The following CRPPA variants were observed in gnomAD, a reference collection of about 807,000 sequenced individuals.
The protein encoded by CRPPA is CDP-L-ribitol pyrophosphorylase A, also known as D-ribitol-5-phosphate cytidylyltransferase.
Under a neutral mutation model 52.0 loss-of-function variants are expected in CRPPA, and 43 were observed. The observed-to-expected ratio is 0.83, with a 90% CI of 0.65 to 1.07. The LOEUF is 1.07. Ranked by LOEUF, CRPPA falls within the 50% of genes least tolerant of loss-of-function variation. The pLI, the probability that CRPPA is intolerant of heterozygous loss-of-function variation, is 0.00. For missense variants in CRPPA, 629 were observed against 551.7 expected (o/e 1.14, Z -1.40); for synonymous variants, 250 against 203.5 (o/e 1.23, Z -1.94).
intron 5 of CRPPA, among the ~76,000 whole-genome samples, chr7:16,293,178 G>A (rs756369661): frequency 2.6e-5 from 4 of 151,772 alleles, no homozygotes; most frequent in Non-Finnish European, 5.9e-5. Flanking sequence ...GCAAAATATC[G>A]AGAAATCTGT....
intron 3 of CRPPA, among the ~76,000 whole-genome samples, chr7:16,352,752 C>T (rs1583541652): frequency 1.3e-5 from 2 of 151,896 alleles, no homozygotes; most frequent in Non-Finnish European, 2.9e-5. Context: ...GGTATATATC[C>T]AAAGAAATTG....
At position 16,088,451 on chromosome 7, in the gene CRPPA, T is replaced by G. The variant is rs1196929913; in HGVS notation, c.*3244A>C. 7.2e-6 allele frequency: 1 copy of G among 139,510 alleles called. No individual in the cohort carries two copies. Among genetic ancestry groups the G allele is most frequent in the Non-Finnish European group, 1.5e-5 (1 of 65,978 alleles). 8.6% of individuals were successfully genotyped at this position (139,510 alleles called of 1,614,324 possible). ...TTTTTTTTTTGAGACGGAGTCTTGC[T>G]CTGTTGCCCAGGCTGGAGTGCAGTG... On this transcript the variant is annotated 3_prime_UTR_variant, in exon 10 of 10. Coordinates refer to ENST00000407010, the MANE Select transcript of CRPPA (RefSeq NM_001101426.4).
Position 16,323,835 on chromosome 7 carries a change from G to T in CRPPA, c.685-15208C>A, listed in dbSNP as rs555714381. ...AATCTCAAACATTGTGCAAAAAAAA[G>T]CACATCACACAAATATATTACCAGT... On this transcript the variant is annotated intron_variant, in intron 3 of 9. Coordinates refer to ENST00000407010, the MANE Select transcript of CRPPA (RefSeq NM_001101426.4). Among the ~76,000 whole-genome samples the T allele has an allele frequency of 2.6e-5, 4 of 152,156 alleles. No individual in the cohort carries two copies. The East Asian group carries it at 7.7e-4, about 29-fold the overall frequency.
At chr7:16,340,696 G>A (rs1335530198) in intron 3 of CRPPA, among the ~76,000 whole-genome samples, 1 of 151,272 alleles carries the variant, frequency 6.6e-6, no homozygotes, top group Admixed American at 6.6e-5. Context: ...AGACAGTTTT[G>A]CAGTTCCTCA....
intron 2 of CRPPA, among the ~76,000 whole-genome samples, chr7:16,376,898 T>A (rs10263566): frequency 0.14 from 22,050 of 152,192 alleles, 2,305 homozygotes; most frequent in African/African-American, 0.29. Context: ...TTTATCTTTT[T>A]TGGAGTCCCA....
At chr7:16,388,238 A>C (rs1037780514) in intron 2 of CRPPA, among the ~76,000 whole-genome samples, 1 of 152,148 alleles carries the variant, frequency 6.6e-6, no homozygotes, top group Non-Finnish European at 1.5e-5. Flanking sequence ...GGAGTCCCCA[A>C]GTGGGCATGG....
At chr7:16,151,829 C>G (rs912222006) in intron 9 of CRPPA, among the ~76,000 whole-genome samples, 2 of 151,736 alleles carry the variant, frequency 1.3e-5, no homozygotes, top group Non-Finnish European at 1.5e-5. Flanking sequence ...TAGAAAAATA[C>G]TAGTAAATAT....
intron 2 of CRPPA, among the ~76,000 whole-genome samples, chr7:16,396,329 C>T (rs1787567342): frequency 6.6e-6 from 1 of 152,050 alleles, no homozygotes; most frequent in Admixed American, 6.5e-5. Context: ...AAAAATCTGC[C>T]AACTGATCAG....
intron 9 of CRPPA, among the ~76,000 whole-genome samples, chr7:16,137,397 G>A (rs1583382264): frequency 1.3e-5 from 2 of 152,140 alleles, no homozygotes; most frequent in East Asian, 3.8e-4. Flanking sequence ...AAAAGACTAA[G>A]ACACCTCAGG....
At chr7:16,394,934 C>T (rs973130458) in intron 2 of CRPPA, among the ~76,000 whole-genome samples, 18 of 152,322 alleles carry the variant, frequency 1.2e-4, no homozygotes, top group African/African-American at 4.3e-4. Context: ...GGCATATATT[C>T]CACAGCTGTC....
intron 5 of CRPPA, among the ~76,000 whole-genome samples, chr7:16,290,363 G>C (rs753710959): frequency 6.6e-6 from 1 of 151,032 alleles, no homozygotes; most frequent in Admixed American, 6.6e-5. Context: ...TGAAAAAAAA[G>C]AACAAAGCTA....
intron 2 of CRPPA, among the ~76,000 whole-genome samples, chr7:16,399,189 A>G (rs772356762): frequency 7.9e-5 from 12 of 152,268 alleles, no homozygotes; most frequent in African/African-American, 2.9e-4. Context: ...CACGATTCAC[A>G]CGACTGACAT....
chr7:16,156,731 C>A (rs987473052), intron 9 of CRPPA, among the ~76,000 whole-genome samples: 1 of 152,176 alleles, frequency 6.6e-6, no homozygotes, highest in Admixed American at 6.5e-5. Context: ...TCATGTTAAA[C>A]GATCATAATA....
chr7:16,221,452 G>A (rs1258824414), intron 8 of CRPPA, among the ~76,000 whole-genome samples: 1 of 152,074 alleles, frequency 6.6e-6, no homozygotes, highest in Non-Finnish European at 1.5e-5. Context: ...AATGGGATCT[G>A]ATCAAACTAA....
chr7:16,274,540 A>G (rs1236335158), intron 6 of CRPPA, among the ~76,000 whole-genome samples: 1 of 152,164 alleles, frequency 6.6e-6, no homozygotes, highest in Non-Finnish European at 1.5e-5. Context: ...GAAGTTCTAC[A>G]TTAGCTCCTC....
At chr7:16,298,336 G>A (rs895860956) in intron 5 of CRPPA, among the ~76,000 whole-genome samples, 1 of 151,946 alleles carries the variant, frequency 6.6e-6, no homozygotes, top group Non-Finnish European at 1.5e-5. Context: ...TTTAAGGGAG[G>A]GAAAAAAAGG....
rs1320442432 is a variant in CRPPA, at chr7:16,379,491, A to G, written c.535-3250T>C. 1.2e-4 allele frequency among the ~76,000 whole-genome samples: 18 copies of G among 152,194 alleles called. 1 individual carries two copies. The highest frequency in any genetic ancestry group is 2.6e-4 in the Non-Finnish European group (18 of 68,044). On this transcript the variant is annotated intron_variant, in intron 2 of 9. Transcript: ENST00000407010. ...AATGTGGGCTCTTTTTTGGTTCCAC[A>G]TGAACTTTAAAGTAGTTTTTTCCAA...
At position 16,334,074 on chromosome 7, in the gene CRPPA, T is replaced by C. The variant is rs1424072122; in HGVS notation, c.685-25447A>G. Among the ~76,000 whole-genome samples the C allele has an allele frequency of 2.0e-5, 3 of 151,678 alleles. No individual in the cohort carries two copies. In the East Asian group the frequency reaches 5.8e-4, roughly 29 times the overall value. ...CTTGAAGTCAGTTAGAAACAAAAAATGGGGTTGAGGGCCACCAACTCATGG... is the reference window on the plus strand; with the variant it reads ...CTTGAAGTCAGTTAGAAACAAAAAACGGGGTTGAGGGCCACCAACTCATGG... On this transcript the variant is annotated intron_variant, in intron 3 of 9. Coordinates refer to ENST00000407010, the MANE Select transcript of CRPPA (RefSeq NM_001101426.4).
chr7:16,145,813 T>C (rs1782963682), intron 9 of CRPPA, among the ~76,000 whole-genome samples: 1 of 152,090 alleles, frequency 6.6e-6, no homozygotes. Flanking sequence ...CTTTTCCAAT[T>C]TGATTAATGA....
Sources: allele counts gnomAD v4.1 joint callset (sites outside exome capture counted in the v4.1 genomes callset), GRCh38; gene constraint gnomAD v4.1.1; transcripts MANE v1.5; gene names NCBI Gene and HGNC (gene_info 2026-07-23, HGNC 2026-07-21).